The following INTS14 variants were observed in gnomAD, a reference collection of about 807,000 sequenced individuals.
The protein encoded by INTS14 is UPF0464 protein C15orf44.
Under a neutral mutation model 56.9 loss-of-function variants are expected in INTS14, and 27 were observed. That is an observed-to-expected ratio of 0.47 (90% confidence interval 0.35 to 0.65). INTS14 has a LOEUF of 0.65. INTS14 is among the 30% of genes least tolerant of loss of function. The probability of loss-of-function intolerance (pLI) is 0.00; values close to 1 mark genes in which losing one functional copy is unlikely to be tolerated. For missense variants in INTS14, 517 were observed against 632.2 expected (o/e 0.82, Z 1.95); for synonymous variants, 207 against 236.2 (o/e 0.88, Z 1.13).
chr15:65,583,879 G>A (rs1193513426), intron 10 of INTS14, among the ~76,000 whole-genome samples: 3 of 152,148 alleles, frequency 2.0e-5, no homozygotes, highest in Non-Finnish European at 4.4e-5. Flanking sequence ...AGAGGCCCCT[G>A]ACACTTTAGC....
rs2073370805 is a variant in INTS14, at chr15:65,600,030, G to A, written c.331-101C>T. On this transcript the variant is annotated intron_variant, in intron 3 of 11. Transcript: ENST00000313182. Reference sequence around the variant, plus strand: ...ACTGCTAGAAAGGGGCACCAGGGCTGGCTATGGTGGCTCAAGCCTGTAATC... The same window carrying A: ...ACTGCTAGAAAGGGGCACCAGGGCTAGCTATGGTGGCTCAAGCCTGTAATC... The A allele has an allele frequency of 5.5e-6, 7 of 1,276,984 alleles. No individual in the cohort carries two copies. In the East Asian group the frequency reaches 1.0e-4, roughly 18 times the overall value. 79.1% of individuals were successfully genotyped at this position (1,276,984 alleles called of 1,614,324 possible). A position where few individuals can be genotyped will look rare whatever the true frequency, so the allele number is the denominator to read the frequency against.
rs1292148229 is a variant in INTS14 at position 65,602,744 on chromosome 15, T to C, written c.330+2385A>G. Among the ~76,000 whole-genome samples, 4 of 152,044 alleles carry C rather than the reference T, an allele frequency of 2.6e-5. No individual in the cohort carries two copies. The East Asian group carries it at 7.7e-4, about 29-fold the overall frequency. On this transcript the variant is annotated intron_variant, in intron 3 of 11. Coordinates refer to ENST00000313182, the MANE Select transcript of INTS14 (RefSeq NM_001394796.1). ...CGATGGCACAATCTTGGCTGACCAG[T>C]GCAACCTCTGCCTCCCCGGTTCAAG...
chr15:65,581,698 C>T (rs1474934944), intron 11 of INTS14, among the ~76,000 whole-genome samples: 2 of 152,008 alleles, frequency 1.3e-5, no homozygotes, highest in Admixed American at 1.3e-4. Context: ...GTCCTCTAAG[C>T]TGCTTCCATC....
At chr15:65,604,520 G>C (rs1466964778) in intron 3 of INTS14, among the ~76,000 whole-genome samples, 1 of 152,084 alleles carries the variant, frequency 6.6e-6, no homozygotes, top group Non-Finnish European at 1.5e-5. Flanking sequence ...GCCTGAGCCA[G>C]GAGTTTGAGA....
At chr15:65,593,947 C>T (rs1381455942) in intron 7 of INTS14, among the ~76,000 whole-genome samples, 1 of 152,058 alleles carries the variant, frequency 6.6e-6, no homozygotes, top group African/African-American at 2.4e-5. Flanking sequence ...CACAACTCTG[C>T]AAATATACTA....
At chr15:65,606,873 G>A (rs2073673015) in intron 2 of INTS14, among the ~76,000 whole-genome samples, 3 of 152,044 alleles carry the variant, frequency 2.0e-5, no homozygotes, top group Non-Finnish European at 2.9e-5. Flanking sequence ...TAAATTTTAG[G>A]GAATGGAACA....
chr15:65,610,805 C>T, intron 1 of INTS14: 3 of 1,535,310 alleles, frequency 2.0e-6, no homozygotes, highest in Non-Finnish European at 2.6e-6. Context: ...CCTTAAAAAT[C>T]AGTCAAGAAA....
chr15:65,593,558 C>CCA lies in INTS14; in HGVS notation c.854_855dup (p.Gly286TrpfsTer33). The CCA allele has an allele frequency of 6.2e-7, 1 of 1,612,026 alleles. No homozygotes were observed. The highest frequency in any genetic ancestry group is 1.3e-5 in the African/African-American group (1 of 74,924). On this transcript the variant is annotated frameshift_variant, in exon 8 of 12. Transcript: ENST00000313182. LOFTEE classifies it high-confidence loss of function. ...TCATTGTCATCAGTGATGCCAGTAC[C>CCA]CACCTCATCACCTTCTGTGAAAAAA...
Position 65,595,778 on chromosome 15 carries a change from G to C in INTS14, c.796C>G (p.Pro266Ala), listed in dbSNP as rs1235314665. The C allele has an allele frequency of 1.2e-6, 2 of 1,609,912 alleles. No homozygotes were observed. The highest frequency in any genetic ancestry group is 1.7e-6 in the Non-Finnish European group (2 of 1,178,942). The change falls in exon 7 of 12, where the codon CCA becomes GCA. Residue 266 changes from proline to alanine, a missense_variant. By Grantham distance (27) the Pro-to-Ala change is conservative. Transcript: ENST00000313182. ...AAGACCAGATGTCTGGACAGAACTG[G>C]GGGACTTGAAATATCAGCTATATCA... ...FIDIADISSPPVLSRHLVLPI... is the reference protein window; with the variant it reads ...FIDIADISSPAVLSRHLVLPI...
chr15:65,592,592 C>A (rs2073067690), intron 8 of INTS14, among the ~76,000 whole-genome samples: 1 of 152,152 alleles, frequency 6.6e-6, no homozygotes, highest in Non-Finnish European at 1.5e-5. Context: ...AGTTCCACAA[C>A]CTCTCTTAAG....
intron 3 of INTS14, among the ~76,000 whole-genome samples, chr15:65,603,479 C>T (rs919141546): frequency 6.6e-6 from 1 of 152,058 alleles, no homozygotes; most frequent in African/African-American, 2.4e-5. Context: ...CAGGCAACTA[C>T]AATCTTATTT....
intron 9 of INTS14, among the ~76,000 whole-genome samples, chr15:65,587,211 T>C (rs1490854295): frequency 6.6e-6 from 1 of 152,160 alleles, no homozygotes. Context: ...ACTTCCCATG[T>C]ACCCTTTTTT....
chr15:65,586,244 A>C (rs1005403926), intron 9 of INTS14, among the ~76,000 whole-genome samples: 4 of 152,242 alleles, frequency 2.6e-5, no homozygotes, highest in African/African-American at 4.8e-5. Context: ...TTACATATTC[A>C]ACTTCTCTCT....
intron 9 of INTS14, among the ~76,000 whole-genome samples, chr15:65,590,662 T>C (rs1359833012): frequency 6.6e-6 from 1 of 152,212 alleles, no homozygotes; most frequent in African/African-American, 2.4e-5. Flanking sequence ...GCAGAGCTCA[T>C]CATCATCTCC....
At chr15:65,606,484 G>A (rs928212015) in intron 2 of INTS14, among the ~76,000 whole-genome samples, 1 of 151,540 alleles carries the variant, frequency 6.6e-6, no homozygotes, top group African/African-American at 2.4e-5. Context: ...CAAACTCCTG[G>A]GCTCAAGTGA....
intron 1 of INTS14, chr15:65,610,713 CG>C: frequency 6.5e-7 from 1 of 1,535,674 alleles, no homozygotes. Context: ...CGTCAGCCTC[CG>C]GGAGTCCCTC....
At chr15:65,591,861 C>T in intron 8 of INTS14, 130 bp from the exon 9 acceptor site, 1 of 984,160 alleles carries the variant, frequency 1.0e-6, no homozygotes, top group Non-Finnish European at 1.5e-6. Context: ...CTACTTTTAC[C>T]AAAGCCAAAC....
chr15:65,611,099 C>G lies in INTS14; in HGVS notation c.-64G>C, dbSNP rs1038719825. On this transcript the variant is annotated splice_region_variant and 5_prime_UTR_variant, in exon 1 of 12. Transcript: ENST00000313182. ...CGGGCCCTCGGCCTCCCCACTCACC[C>G]CGTGCCCATCGCCGGACACAGTCCG... is the stretch of plus-strand genomic sequence containing the variant. The G allele has an allele frequency of 2.0e-6, 3 of 1,535,664 alleles. No individual in the cohort carries two copies. Among genetic ancestry groups the G allele is most frequent in the Non-Finnish European group, 2.6e-6 (3 of 1,146,644 alleles).
intron 3 of INTS14, 108 bp from the exon 4 acceptor site, chr15:65,600,037 G>A: frequency 7.9e-7 from 1 of 1,262,972 alleles, no homozygotes; most frequent in Non-Finnish European, 1.1e-6. Context: ...GCTGGCTATG[G>A]TGGCTCAAGC....
Sources: allele counts gnomAD v4.1 joint callset (sites outside exome capture counted in the v4.1 genomes callset), GRCh38; gene constraint gnomAD v4.1.1; transcripts MANE v1.5; gene names NCBI Gene and HGNC (gene_info 2026-07-23, HGNC 2026-07-21).